Variants in TIMP2 observed in about 807,000 individuals in gnomAD.
TIMP2 encodes TIMP metallopeptidase inhibitor 2.
TIMP2 carries 5 observed loss-of-function variants against 24.3 expected under a neutral mutation model. The observed-to-expected ratio is 0.21, with a 90% CI of 0.11 to 0.43. The LOEUF (loss-of-function observed/expected upper bound fraction) is 0.43, where lower values mean the gene tolerates loss of function less well. Among genes scored for constraint, TIMP2 ranks in the 20% least tolerant of loss-of-function variants. The pLI, the probability that TIMP2 is intolerant of heterozygous loss-of-function variation, is 1.00. For missense variants in TIMP2, 221 were observed against 297.5 expected, an observed-to-expected ratio of 0.74 and a Z score of 1.89; for synonymous variants, 130 against 123.2, an observed-to-expected ratio of 1.06 and a Z score of -0.37.
At chr17:78,892,016 G>A in intron 1 of TIMP2, 2 of 1,550,664 alleles carry the variant, frequency 1.3e-6, no homozygotes, top group Non-Finnish European at 1.7e-6. Flanking sequence ...GGCCCTCGGG[G>A]GCCTGGCTGA....
chr17:78,875,934 TTTC>T (rs2069724119), intron 1 of TIMP2, among the ~76,000 whole-genome samples: 1 of 152,174 alleles, frequency 6.6e-6, no homozygotes, highest in Admixed American at 6.5e-5. Flanking sequence ...CCCTTTCTTC[TTTC>T]TTCTTCTGTT....
intron 1 of TIMP2, among the ~76,000 whole-genome samples, chr17:78,876,871 T>C (rs1409398869): frequency 6.6e-6 from 1 of 150,866 alleles, no homozygotes; most frequent in African/African-American, 2.4e-5. Flanking sequence ...CTCCCCTCTC[T>C]GCCTGGAGAA....
At chr17:78,921,768 TC>T (rs1468526827) in intron 1 of TIMP2, among the ~76,000 whole-genome samples, 1 of 152,140 alleles carries the variant, frequency 6.6e-6, no homozygotes, top group Non-Finnish European at 1.5e-5. Flanking sequence ...CCTCTTACCA[TC>T]CCTTATCCTA....
intron 3 of TIMP2, among the ~76,000 whole-genome samples, chr17:78,863,626 T>C (rs1479550735): frequency 6.6e-6 from 1 of 152,182 alleles, no homozygotes; most frequent in Admixed American, 6.5e-5. Context: ...CAGGGAGCAA[T>C]GCCCTTTCAG....
intron 1 of TIMP2, among the ~76,000 whole-genome samples, chr17:78,894,116 G>A (rs772718827): frequency 2.0e-5 from 3 of 152,122 alleles, no homozygotes; most frequent in Admixed American, 6.6e-5. Flanking sequence ...AACATTAACC[G>A]TGCAGGCTCC....
Position 78,891,652 on chromosome 17 carries a change from C to G in TIMP2, c.131-17733G>C. 1 of 1,550,990 alleles carries G rather than the reference C, an allele frequency of 6.4e-7. No homozygotes were observed. The highest frequency in any genetic ancestry group is 8.7e-7 in the Non-Finnish European group (1 of 1,147,100). On this transcript the variant is annotated intron_variant, in intron 1 of 4. Coordinates refer to ENST00000262768, the MANE Select transcript of TIMP2 (RefSeq NM_003255.5). This position sits in a 1 kb window ranked among gnomAD's most constrained non-coding sequence, Gnocchi z 4.5. ...TCAGGGCTGGAACAAAGCAAACTGC[C>G]CCCTTTCCCAGTTGCCTCCTCCCCG...
chr17:78,893,265 G>A (rs530284288), intron 1 of TIMP2, among the ~76,000 whole-genome samples: 3 of 148,894 alleles, frequency 2.0e-5, no homozygotes, highest in East Asian at 2.0e-4. Flanking sequence ...GTGCAGGGGT[G>A]TGTGTGTAGG....
chr17:78,925,095 CCG>C lies in TIMP2; in HGVS notation c.-9_-8del. On this transcript the variant is annotated 5_prime_UTR_variant, in exon 1 of 5. Coordinates refer to ENST00000262768, the MANE Select transcript of TIMP2 (RefSeq NM_003255.5). ...TGCGGGCCGCGGCGCCCATGGCGGGCCGGGGGGCTGGGCGGGCGGGGGCCGCC... is the reference window on the plus strand; with the variant it reads ...TGCGGGCCGCGGCGCCCATGGCGGGCGGGGGCTGGGCGGGCGGGGGCCGCC... 4.0e-6 allele frequency: 1 copy of C among 247,704 alleles called. No individual in the cohort carries two copies. The highest frequency in any genetic ancestry group is 5.9e-6 in the Non-Finnish European group (1 of 169,250). 15.3% of individuals were successfully genotyped at this position (247,704 alleles called of 1,614,324 possible).
rs1042024134 is a variant in TIMP2 at position 78,855,321 on chromosome 17, C to G, written c.*346G>C. 1 of 366,798 alleles carries G rather than the reference C, an allele frequency of 2.7e-6. No individual in the cohort carries two copies. Among genetic ancestry groups the G allele is most frequent in the Admixed American group, 4.0e-5 (1 of 25,238 alleles). The allele number at this position is 366,798 out of a possible 1,614,324, so 22.7% of individuals were successfully genotyped here. Reference sequence around the variant, plus strand: ...GCACATTTCCAGGCCCTGCCCTAACCCAGCTGGGAGATCCCTAAGTGCTGC... The same window carrying G: ...GCACATTTCCAGGCCCTGCCCTAACGCAGCTGGGAGATCCCTAAGTGCTGC... On this transcript the variant is annotated 3_prime_UTR_variant, in exon 5 of 5. Transcript: ENST00000262768. The surrounding 1 kb of genome is among the most constrained non-coding windows in gnomAD (Gnocchi z 6.0).
chr17:78,890,929 G>T, intron 1 of TIMP2: 1 of 1,550,854 alleles, frequency 6.4e-7, no homozygotes, highest in South Asian at 1.2e-5. Flanking sequence ...TCATATCTGG[G>T]TGTTCCATTT....
intron 1 of TIMP2, chr17:78,900,069 T>G (rs995384392): frequency 6.6e-6 from 1 of 152,174 alleles, no homozygotes; most frequent in African/African-American, 2.4e-5. Context: ...TGGATTGTCT[T>G]TGGGATGATA....
At chr17:78,883,594 G>T (rs1195001747) in intron 1 of TIMP2, among the ~76,000 whole-genome samples, 2 of 152,176 alleles carry the variant, frequency 1.3e-5, no homozygotes, top group Non-Finnish European at 2.9e-5. Context: ...GCACCTGGGG[G>T]TGCTCCAGGC....
At chr17:78,893,309 A>G (rs1282523311) in intron 1 of TIMP2, among the ~76,000 whole-genome samples, 48 of 50,550 alleles carry the variant, frequency 9.5e-4, no homozygotes, top group African/African-American at 2.4e-3. Flanking sequence ...GCAGGGGTGT[A>G]TGTGCAAGGG....
At chr17:78,905,459 T>C (rs984360662) in intron 1 of TIMP2, among the ~76,000 whole-genome samples, 2 of 152,254 alleles carry the variant, frequency 1.3e-5, no homozygotes, top group Non-Finnish European at 2.9e-5. Flanking sequence ...ATCTTCTATA[T>C]GCTTCTTCCT....
At chr17:78,913,434 G>C (rs2070226366) in intron 1 of TIMP2, among the ~76,000 whole-genome samples, 2 of 152,160 alleles carry the variant, frequency 1.3e-5, no homozygotes, top group African/African-American at 4.8e-5. Flanking sequence ...AAGCAGGCTG[G>C]GTGCAGTGGT....
chr17:78,873,429 T>C (rs2069702873), intron 2 of TIMP2, among the ~76,000 whole-genome samples: 3 of 152,052 alleles, frequency 2.0e-5, no homozygotes, highest in African/African-American at 4.8e-5. Flanking sequence ...GCCTCCCGAA[T>C]AGCTGGGACC....
In TIMP2 at chr17:78,890,754, G is replaced by A. The variant is rs543195638; in HGVS notation, c.131-16835C>T. The A allele has an allele frequency of 9.0e-5, 139 of 1,550,628 alleles. No homozygotes were observed. In the South Asian group the frequency reaches 1.4e-3, roughly 15 times the overall value. On this transcript the variant is annotated intron_variant, in intron 1 of 4. Transcript: ENST00000262768. ...TGGTCTCGGATCATCTGACTGTGCCGGTCGTCGTCGGCGAGGCTGGTGCCC... is the reference window on the plus strand; with the variant it reads ...TGGTCTCGGATCATCTGACTGTGCCAGTCGTCGTCGGCGAGGCTGGTGCCC...
At chr17:78,864,126 G>A (rs964059837) in intron 3 of TIMP2, among the ~76,000 whole-genome samples, 1 of 152,104 alleles carries the variant, frequency 6.6e-6, no homozygotes, top group Non-Finnish European at 1.5e-5. Context: ...TGCCACCTGG[G>A]CTAGAGTGCA....
chr17:78,894,830 C>G (rs60481020), intron 1 of TIMP2, among the ~76,000 whole-genome samples: 2 of 151,550 alleles, frequency 1.3e-5, no homozygotes, highest in Admixed American at 1.3e-4. Context: ...AAAAAAAAAA[C>G]CTTTGTGCTT....
Sources: allele counts gnomAD v4.1 joint callset (sites outside exome capture counted in the v4.1 genomes callset), GRCh38; gene constraint gnomAD v4.1.1; non-coding constraint Gnocchi (gnomAD v3.1); transcripts MANE v1.5; gene names NCBI Gene and HGNC (gene_info 2026-07-23, HGNC 2026-07-21).